The following SACS variants were observed in gnomAD, a reference collection of about 807,000 sequenced individuals.
SACS encodes sacsin.
Under a neutral mutation model 348.0 loss-of-function variants are expected in SACS, and 197 were observed. That is an observed-to-expected ratio of 0.57 (90% CI 0.50 to 0.64). The LOEUF (loss-of-function observed/expected upper bound fraction) is 0.64. Among genes scored for constraint, SACS ranks in the 30% least tolerant of loss-of-function variants. SACS has a pLI of 0.00. For synonymous variants in SACS, 1,985 were observed against 1,910.6 expected, an observed-to-expected ratio of 1.04 and a Z score of -1.02; for missense variants, 4,999 against 5,360.8, an observed-to-expected ratio of 0.93 and a Z score of 2.11.
At chr13:23,369,976 AGCTTCC>A (rs1486332445) in intron 4 of SACS, among the ~76,000 whole-genome samples, 1 of 151,570 alleles carries the variant, frequency 6.6e-6, no homozygotes, top group Non-Finnish European at 1.5e-5. Context: ...CTTCTGCCTC[AGCTTCC>A]CAAGTGGCTG....
intron 1 of SACS, among the ~76,000 whole-genome samples, chr13:23,413,630 A>T (rs745780926): frequency 5.3e-5 from 8 of 152,218 alleles, no homozygotes; most frequent in Non-Finnish European, 1.2e-4. Context: ...CAGTTCTTGG[A>T]TGTTCATGAA....
intron 2 of SACS, among the ~76,000 whole-genome samples, chr13:23,385,934 T>C (rs898215699): frequency 2.0e-5 from 3 of 152,188 alleles, no homozygotes; most frequent in African/African-American, 7.2e-5. Flanking sequence ...TAAGCAGTAA[T>C]ATTTTGAAAG....
In SACS at chr13:23,355,384, A is replaced by G; in HGVS notation, c.1228T>C (p.Leu410=). 6.2e-7 allele frequency: 1 copy of G among 1,614,148 alleles called. No homozygotes were observed. Among genetic ancestry groups the G allele is most frequent in the East Asian group, 2.2e-5 (1 of 44,884 alleles). The change falls in exon 8 of 10, where the codon TTA becomes CTA. Residue 410 remains leucine (L), a synonymous_variant. Coordinates refer to ENST00000382292, the MANE Select transcript of SACS (RefSeq NM_014363.6). ...GGGACAAATTTCAGTTCATCAGCTA[A>G]AGAGTCAAGCTTACTACTGATCCCT... ...GRGISSKLDS[L]ADELKFVPII...
At chr13:23,419,849 C>T (rs181429918) in intron 1 of SACS, among the ~76,000 whole-genome samples, 1 of 152,222 alleles carries the variant, frequency 6.6e-6, no homozygotes, top group East Asian at 1.9e-4. Context: ...TGCATTTGGC[C>T]AGAGAATATG....
In SACS at chr13:23,337,607, C is replaced by G. The variant is rs768941860; in HGVS notation, c.6269G>C (p.Gly2090Ala). 1.2e-6 allele frequency: 2 copies of G among 1,613,660 alleles called. No homozygotes were observed. Among genetic ancestry groups the G allele is most frequent in the African/African-American group, 2.7e-5 (2 of 74,882 alleles). ...VLNEKVDEFS[G>A]VLRVTPCIPC... ...AATACATGGAGTAACACGAAGAACT[C>G]CCGAGAACTCATCAACTTTTTCATT... is the stretch of plus-strand genomic sequence containing the variant. Residue 2090 changes from glycine (G) to alanine (A), a missense_variant, in exon 10 of 10, where the codon GGA becomes GCA. Transcript: ENST00000382292.
chr13:23,347,916 A>G (rs1464697669), intron 9 of SACS, among the ~76,000 whole-genome samples: 2 of 152,236 alleles, frequency 1.3e-5, no homozygotes, highest in Non-Finnish European at 2.9e-5. Flanking sequence ...TGTACCAGGC[A>G]TCTTCATAAC....
chr13:23,353,914 C>G, intron 8 of SACS, 38 bp from the exon 9 acceptor site: 1 of 1,122,106 alleles, frequency 8.9e-7, no homozygotes, highest in Non-Finnish European at 1.4e-6. Context: ...CATAATCTTC[C>G]CACAATTCCA....
At position 23,340,077 on chromosome 13, in the gene SACS, T is replaced by C. The variant is rs897692435; in HGVS notation, c.3799A>G (p.Lys1267Glu). Reference sequence around the variant, plus strand: ...AATTTTAAGGCTCTAAAAGAATCTTTCCCTTCATTTAGATGATCATGCATG... The same window carrying C: ...AATTTTAAGGCTCTAAAAGAATCTTCCCCTTCATTTAGATGATCATGCATG... ...GFMHDHLNEG[K>E]DSFRALKFPW... is the part of the protein sequence containing the mutation. The change falls in exon 10 of 10, where the codon AAA becomes GAA. Residue 1267 changes from lysine to glutamate, a missense_variant. This residue lies in a region of SACS where 3,156 missense variants were observed against 3,380.1 expected (regional missense o/e 0.93). Transcript: ENST00000382292. 5.0e-6 allele frequency: 8 copies of C among 1,613,906 alleles called. No individual in the cohort carries two copies. The highest frequency in any genetic ancestry group is 6.8e-6 in the Non-Finnish European group (8 of 1,179,962).
At chr13:23,394,092 G>A (rs79801376) in intron 2 of SACS, among the ~76,000 whole-genome samples, 12,790 of 152,174 alleles carry the variant, frequency 0.084, 706 homozygotes, top group East Asian at 0.14. Flanking sequence ...TTCCAGGTGG[G>A]GGCTGGTGGC....
rs1873747120 is a variant in SACS, at chr13:23,417,851, C to T, written c.-501-6111G>A. 2.0e-5 allele frequency among the ~76,000 whole-genome samples: 3 copies of T among 151,950 alleles called. No individual in the cohort carries two copies. In the South Asian group the frequency reaches 6.2e-4, roughly 32 times the overall value. On this transcript the variant is annotated intron_variant, in intron 1 of 9. Coordinates refer to ENST00000382292, the MANE Select transcript of SACS (RefSeq NM_014363.6). The stretch of plus-strand genomic sequence containing the variant: ...TGGAACACTGAGGCAGGCGGAACCC[C>T]TGAGCTCAGGAGTTTGAGACCAACC...
rs1312754986 is a variant in SACS, at chr13:23,349,046, A to G, written c.2185+4739T>C. ...ATCATGGAAGTTTACAATCATGGAA[A>G]GTCCCCTAGTTCATGCTAGCAGGGC... On this transcript the variant is annotated intron_variant, in intron 9 of 9. Coordinates refer to ENST00000382292, the MANE Select transcript of SACS (RefSeq NM_014363.6). 2.6e-5 allele frequency among the ~76,000 whole-genome samples: 4 copies of G among 152,358 alleles called. No homozygotes were observed. In the East Asian group the frequency reaches 5.8e-4, roughly 22 times the overall value.
In SACS at chr13:23,340,463, T is replaced by C. The variant is rs1202128043; in HGVS notation, c.3413A>G (p.Asn1138Ser). ...TTCAGATGATTGCAACAGTGTGTGA[T>C]TCTTATTTAAAACCAGTAAGAGGGT... ...AKTLLLVLNK[N>S]HTLLQSSEGK... is the part of the protein sequence containing the mutation. The change falls in exon 10 of 10, where the codon AAT becomes AGT. Residue 1138 changes from asparagine (N) to serine (S), a missense_variant. Around this residue, in one of 6 missense-constraint regions of SACS, gnomAD observed 3,156 missense variants for 3,380.1 expected, o/e 0.93. Transcript: ENST00000382292. 10 of 1,613,812 alleles carry C rather than the reference T, an allele frequency of 6.2e-6. No homozygotes were observed. The highest frequency in any genetic ancestry group is 8.5e-6 in the Non-Finnish European group (10 of 1,179,926).
At chr13:23,360,023 G>A (rs1271002033) in intron 6 of SACS, among the ~76,000 whole-genome samples, 8 of 152,140 alleles carry the variant, frequency 5.3e-5, no homozygotes, top group African/African-American at 1.4e-4. Flanking sequence ...AGGATGTCAG[G>A]CCCAGCTCTC....
chr13:23,341,989 A>C (rs1024628803), intron 9 of SACS, among the ~76,000 whole-genome samples: 1 of 151,748 alleles, frequency 6.6e-6, no homozygotes, highest in African/African-American at 2.4e-5. Flanking sequence ...GGGTTTCACC[A>C]TGTTAGCCAG....
At chr13:23,390,479 G>A (rs1245326244) in intron 2 of SACS, among the ~76,000 whole-genome samples, 1 of 152,098 alleles carries the variant, frequency 6.6e-6, no homozygotes, top group African/African-American at 2.4e-5. Context: ...GGGCAAGATG[G>A]CAAAACCTCG....
At chr13:23,402,143 A>C (rs1405491968) in intron 2 of SACS, among the ~76,000 whole-genome samples, 1 of 150,710 alleles carries the variant, frequency 6.6e-6, no homozygotes, top group South Asian at 2.1e-4. Context: ...GCGCCACTGC[A>C]CTCCAGCCTG....
chr13:23,406,954 C>T (rs1873251014), intron 2 of SACS, among the ~76,000 whole-genome samples: 1 of 152,138 alleles, frequency 6.6e-6, no homozygotes, highest in Non-Finnish European at 1.5e-5. Flanking sequence ...TATTTTTCAC[C>T]TCTTTGCAAA....
intron 6 of SACS, among the ~76,000 whole-genome samples, chr13:23,363,169 A>G (rs1396038679): frequency 6.6e-6 from 1 of 151,718 alleles, no homozygotes; most frequent in Non-Finnish European, 1.5e-5. Context: ...TCAGCCTCCC[A>G]AAGTGCTGGG....
chr13:23,362,839 G>T (rs1188961555), intron 6 of SACS, among the ~76,000 whole-genome samples: 1 of 152,088 alleles, frequency 6.6e-6, no homozygotes, highest in African/African-American at 2.4e-5. Flanking sequence ...ACCTGCCTCA[G>T]CCTCTCAAAG....
Sources: allele counts gnomAD v4.1 joint callset (sites outside exome capture counted in the v4.1 genomes callset), GRCh38; gene constraint gnomAD v4.1.1; regional missense constraint gnomAD v4.1.1; transcripts MANE v1.5; gene names NCBI Gene and HGNC (gene_info 2026-07-23, HGNC 2026-07-21).